Variants in IRS1 observed in about 807,000 individuals in gnomAD.
IRS1 encodes the protein insulin receptor substrate 1.
A neutral mutation model predicts 65.6 loss-of-function variants in IRS1; 34 were observed. The observed-to-expected ratio is 0.52, with a 90% CI of 0.39 to 0.69. The LOEUF (loss-of-function observed/expected upper bound fraction) is 0.69. Among genes scored for constraint, IRS1 ranks in the 30% least tolerant of loss-of-function variants. The pLI is 0.00. For missense variants in IRS1, 1,641 were observed against 1,720.2 expected, an observed-to-expected ratio of 0.95 and a Z score of 0.81; for synonymous variants, 699 against 683.5, an observed-to-expected ratio of 1.02 and a Z score of -0.35.
chr2:226,770,888 G>A (rs1275403351), intron 1 of IRS1, among the ~76,000 whole-genome samples: 4 of 152,062 alleles, frequency 2.6e-5, no homozygotes, highest in Non-Finnish European at 5.9e-5. Context: ...CTTTTAACTC[G>A]AATATTTTTC....
At position 226,797,493 on chromosome 2, in the gene IRS1, C is replaced by T. The variant is rs776263218; in HGVS notation, c.1246G>A (p.Val416Met). The change falls in exon 1 of 2, where the codon GTG becomes ATG. Residue 416 changes from valine (V) to methionine (M), a missense_variant. Transcript: ENST00000305123. This position sits in a 1 kb window ranked among gnomAD's most constrained non-coding sequence, Gnocchi z 8.1. ...CCGCCATCGCTGGGGGAACCAGACA[C>T]CGAAGCACTAGATCGCCGTGGGAAG... ...CLFPRRSSAS[V>M]SGSPSDGGFI... is the part of the protein sequence containing the mutation. 4 of 1,613,452 alleles carry T rather than the reference C, an allele frequency of 2.5e-6. No individual in the cohort carries two copies. The highest frequency in any genetic ancestry group is 3.4e-6 in the Non-Finnish European group (4 of 1,179,978).
At chr2:226,744,025 A>G (rs1938491971) in intron 1 of IRS1, among the ~76,000 whole-genome samples, 1 of 152,198 alleles carries the variant, frequency 6.6e-6, no homozygotes, top group African/African-American at 2.4e-5. Context: ...ACATTTGAGT[A>G]ACTGTCTGAC....
chr2:226,767,044 C>G (rs954193941), intron 1 of IRS1, among the ~76,000 whole-genome samples: 60 of 151,154 alleles, frequency 4.0e-4, no homozygotes, highest in Non-Finnish European at 1.3e-4. Context: ...CAATGAAGGT[C>G]AAAGCAAACT....
At chr2:226,737,093 TC>T (rs1553527660) in intron 1 of IRS1, among the ~76,000 whole-genome samples, 1 of 65,076 alleles carries the variant, frequency 1.5e-5, no homozygotes, top group South Asian at 6.7e-4. Flanking sequence ...CCCTCCCCCC[TC>T]CCCCCACCCC....
chr2:226,771,717 A>G (rs893237684), intron 1 of IRS1, among the ~76,000 whole-genome samples: 1 of 152,128 alleles, frequency 6.6e-6, no homozygotes, highest in African/African-American at 2.4e-5. Flanking sequence ...AGCACACAGC[A>G]CTGGATCTCT....
At chr2:226,780,378 T>G (rs1202882603) in intron 1 of IRS1, among the ~76,000 whole-genome samples, 1 of 152,140 alleles carries the variant, frequency 6.6e-6, no homozygotes, top group Non-Finnish European at 1.5e-5. Flanking sequence ...GGCAACAGCA[T>G]GATATTCCAT....
At chr2:226,776,081 T>C (rs1410536153) in intron 1 of IRS1, among the ~76,000 whole-genome samples, 1 of 151,820 alleles carries the variant, frequency 6.6e-6, no homozygotes, top group Admixed American at 6.6e-5. Flanking sequence ...GGGCAGGAAA[T>C]AAACAAGGTG....
chr2:226,784,291 T>C (rs1216789797), intron 1 of IRS1, among the ~76,000 whole-genome samples: 1 of 152,232 alleles, frequency 6.6e-6, no homozygotes, highest in Non-Finnish European at 1.5e-5. Flanking sequence ...TGAATTTCAT[T>C]CCTCCTTACT....
chr2:226,739,695 C>T (rs1938397708), intron 1 of IRS1, among the ~76,000 whole-genome samples: 1 of 152,180 alleles, frequency 6.6e-6, no homozygotes, highest in African/African-American at 2.4e-5. Context: ...TAGAGACAGA[C>T]CTCAACATAT....
chr2:226,799,702 A>G lies in IRS1; in HGVS notation c.-964T>C. ...CCTCGGAGAGTTGCCGAGAGCCCCAACCAAAACAAGCGGCGGCGTCTGGCT... is the reference window on the plus strand; with the variant it reads ...CCTCGGAGAGTTGCCGAGAGCCCCAGCCAAAACAAGCGGCGGCGTCTGGCT... On this transcript the variant is annotated 5_prime_UTR_variant, in exon 1 of 2. Transcript: ENST00000305123. This position sits in a 1 kb window ranked among gnomAD's most constrained non-coding sequence, Gnocchi z 6.1. 1.0e-6 allele frequency: 1 copy of G among 999,742 alleles called. No individual in the cohort carries two copies. Among genetic ancestry groups the G allele is most frequent in the Non-Finnish European group, 1.2e-6 (1 of 830,050 alleles). 61.9% of individuals were successfully genotyped at this position (999,742 alleles called of 1,614,324 possible). A position where few individuals can be genotyped will look rare whatever the true frequency, so the allele number is the denominator to read the frequency against.
At chr2:226,781,512 T>C (rs1472830770) in intron 1 of IRS1, among the ~76,000 whole-genome samples, 1 of 152,126 alleles carries the variant, frequency 6.6e-6, no homozygotes, top group Non-Finnish European at 1.5e-5. Flanking sequence ...TTGGGTGGTA[T>C]GGGTTTTTGT....
At position 226,798,817 on chromosome 2, in the gene IRS1, C is replaced by T. The variant is rs978795805; in HGVS notation, c.-79G>A. 2 of 1,551,860 alleles carry T rather than the reference C, an allele frequency of 1.3e-6. No individual in the cohort carries two copies. Among genetic ancestry groups the T allele is most frequent in the Middle Eastern group, 2.2e-4 (1 of 4,470 alleles). On this transcript the variant is annotated 5_prime_UTR_variant, in exon 1 of 2. Coordinates refer to ENST00000305123, the MANE Select transcript of IRS1 (RefSeq NM_005544.3). This position sits in a 1 kb window ranked among gnomAD's most constrained non-coding sequence, Gnocchi z 9.4. ...GGTGGGGGGCGGAGGCTCCTCGCCG[C>T]GGCCCGGCACATGCAAACAGGGCTG...
intron 1 of IRS1, among the ~76,000 whole-genome samples, chr2:226,746,785 C>CTTTTT (rs1213711501): frequency 1.9e-4 from 23 of 118,410 alleles, no homozygotes; most frequent in East Asian, 7.4e-4. Flanking sequence ...TAGCAGCATT[C>CTTTTT]TTTTTTTTTT....
intron 1 of IRS1, among the ~76,000 whole-genome samples, chr2:226,790,997 A>C (rs749917340): frequency 1.3e-5 from 2 of 152,018 alleles, no homozygotes; most frequent in South Asian, 2.1e-4. Context: ...ACACTACCCA[A>C]ACCCTTGTCA....
At chr2:226,744,222 G>A (rs111475557) in intron 1 of IRS1, among the ~76,000 whole-genome samples, 19 of 152,246 alleles carry the variant, frequency 1.2e-4, no homozygotes, top group African/African-American at 4.1e-4. Flanking sequence ...CCTACTCACC[G>A]CAAGTTTTAG....
At chr2:226,768,943 T>C (rs1939111081) in intron 1 of IRS1, among the ~76,000 whole-genome samples, 1 of 152,178 alleles carries the variant, frequency 6.6e-6, no homozygotes, top group Admixed American at 6.5e-5. Context: ...CGAATCCTTC[T>C]TTAAAGTAAC....
chr2:226,791,692 C>T (rs1053117250), intron 1 of IRS1, among the ~76,000 whole-genome samples: 2 of 151,946 alleles, frequency 1.3e-5, no homozygotes, highest in East Asian at 1.9e-4. Flanking sequence ...GCGCCCGCCG[C>T]GGCTCAGCCG....
rs140103054 is a variant in IRS1, at chr2:226,799,139, AGCGCGCGCGC to A, written c.-411_-402del. On this transcript the variant is annotated 5_prime_UTR_variant, in exon 1 of 2. An upstream open reading frame in the 5' UTR loses its in-frame stop. Transcript: ENST00000305123. The surrounding 1 kb of genome is among the most constrained non-coding windows in gnomAD (Gnocchi z 6.1). ...GGGGTCCCTGCGGTGCCCCTCCAGG[AGCGCGCGCGC>A]GCGCGCGCCTTCCCTCCTGAGTTCC... 3 of 1,118,470 alleles carry A rather than the reference AGCGCGCGCGC, an allele frequency of 2.7e-6. No homozygotes were observed. Among genetic ancestry groups the A allele is most frequent in the Non-Finnish European group, 3.3e-6 (3 of 902,058 alleles). The allele number at this position is 1,118,470 out of a possible 1,614,324, so 69.3% of individuals were successfully genotyped here. A position where few individuals can be genotyped will look rare whatever the true frequency, so the allele number is the denominator to read the frequency against.
At chr2:226,776,432 C>T (rs1186105185) in intron 1 of IRS1, among the ~76,000 whole-genome samples, 1 of 151,928 alleles carries the variant, frequency 6.6e-6, no homozygotes, top group Admixed American at 6.6e-5. Flanking sequence ...TGACTTTCTG[C>T]CAAAGAGCAC....
Sources: gnomAD v4.1 joint callset for allele counts (sites outside exome capture counted in the v4.1 genomes callset) on GRCh38, gnomAD v4.1.1 for gene constraint, Gnocchi (gnomAD v3.1) non-coding constraint, MANE v1.5 for transcripts, NCBI Gene and HGNC (gene_info 2026-07-23, HGNC 2026-07-21) for gene names.